KDM5B: variants seen among roughly 807,000 people sequenced by gnomAD.
KDM5B encodes the protein lysine-specific demethylase 5B.
A neutral mutation model predicts 193.4 loss-of-function variants in KDM5B; 144 were observed. The observed-to-expected ratio is 0.74, with a 90% CI of 0.65 to 0.86. KDM5B has a LOEUF of 0.86. Ranked by LOEUF, KDM5B falls within the 40% of genes least tolerant of loss-of-function variation. The pLI is 0.00. For synonymous variants in KDM5B, 668 were observed against 682.6 expected (o/e 0.98, Z 0.33); for missense variants, 1,833 against 1,886.9 (o/e 0.97, Z 0.53).
At chr1:202,747,569 T>TAAAAAAAAAAAAAAAA (rs71564198) in intron 14 of KDM5B, among the ~76,000 whole-genome samples, 1 of 129,094 alleles carries the variant, frequency 7.7e-6, no homozygotes, top group Non-Finnish European at 1.7e-5. Context: ...CACATATTTT[T>TAAAAAAAAAAAAAAAA]AAAAAAAAAA....
chr1:202,761,823 T>G (rs1170773581), intron 7 of KDM5B, among the ~76,000 whole-genome samples: 1 of 152,170 alleles, frequency 6.6e-6, no homozygotes, highest in African/African-American at 2.4e-5. Context: ...CTGCGGCACA[T>G]CCTTATGGCA....
intron 2 of KDM5B, among the ~76,000 whole-genome samples, 170 bp from the exon 3 acceptor site, chr1:202,774,905 T>G (rs1022658812): frequency 4.6e-5 from 7 of 152,134 alleles, no homozygotes; most frequent in African/African-American, 1.7e-4. Flanking sequence ...CTAAATTCAG[T>G]GAGAAACGGC....
intron 4 of KDM5B, among the ~76,000 whole-genome samples, chr1:202,771,475 G>C (rs533055202): frequency 6.6e-6 from 1 of 151,054 alleles, no homozygotes; most frequent in Non-Finnish European, 1.5e-5. Context: ...TCCTGACCTC[G>C]AACTCCTGAC....
chr1:202,800,128 C>T (rs535525038), intron 1 of KDM5B, among the ~76,000 whole-genome samples: 1 of 151,446 alleles, frequency 6.6e-6, no homozygotes, highest in Admixed American at 6.6e-5. Context: ...ACTGCAATCT[C>T]CACCTCCCAG....
intron 1 of KDM5B, among the ~76,000 whole-genome samples, chr1:202,797,691 C>A (rs1217296454): frequency 2.0e-5 from 3 of 152,130 alleles, no homozygotes; most frequent in African/African-American, 4.8e-5. Flanking sequence ...GTACAATATC[C>A]TTCTATTTGC....
At chr1:202,792,761 T>A (rs12122005) in intron 1 of KDM5B, among the ~76,000 whole-genome samples, 1 of 151,852 alleles carries the variant, frequency 6.6e-6, no homozygotes, top group African/African-American at 2.4e-5. Flanking sequence ...TTTGGGAGGC[T>A]GAGGTGGGTG....
At chr1:202,778,094 G>A (rs1363492748) in intron 1 of KDM5B, among the ~76,000 whole-genome samples, 2 of 151,698 alleles carry the variant, frequency 1.3e-5, no homozygotes, top group African/African-American at 4.8e-5. Context: ...AGAATCGCTG[G>A]AACACAAGAG....
intron 1 of KDM5B, among the ~76,000 whole-genome samples, chr1:202,785,589 A>ATTTAC (rs113955220): frequency 0.76 from 114,799 of 151,576 alleles, 45,225 homozygotes; most frequent in Admixed American, 0.86. Context: ...CTCAGACAAC[A>ATTTAC]TTTACTTTAT....
chr1:202,775,065 C>T (rs113930316), intron 2 of KDM5B, among the ~76,000 whole-genome samples: 1 of 21,246 alleles, frequency 4.7e-5, no homozygotes, highest in African/African-American at 6.3e-5. Context: ...CATGATGAAA[C>T]CCCCCATCTC....
intron 18 of KDM5B, among the ~76,000 whole-genome samples, chr1:202,741,975 A>G (rs1655363105): frequency 6.6e-6 from 1 of 150,770 alleles, no homozygotes; most frequent in Non-Finnish European, 1.5e-5. Context: ...TCTTGGGTTC[A>G]AGCGATTCTC....
chr1:202,808,060 C>G (rs749742321), intron 1 of KDM5B, 42 bp downstream of exon 1: 5 of 1,593,080 alleles, frequency 3.1e-6, no homozygotes, highest in African/African-American at 1.4e-5. Context: ...CCCGCTCCCT[C>G]CCCCAGCCAC....
rs6672257 is a variant in KDM5B at position 202,725,099 on chromosome 1, G to C, written c.*3937C>G. The C allele has an allele frequency of 0.75, 114,294 of 152,072 alleles. 44,931 individuals carry two copies. The highest frequency in any genetic ancestry group is 0.86 in the Non-Finnish European group (58,345 of 68,022). 9.4% of individuals were successfully genotyped at this position (152,072 alleles called of 1,614,324 possible). ...TTATCCTGAAAATAAGAAACACACC[G>C]AAACTCACCACTTTCTAGCCCTTCA... On this transcript the variant is annotated 3_prime_UTR_variant, in exon 27 of 27. Transcript: ENST00000367265.
chr1:202,734,760 C>G (rs1307027407), intron 22 of KDM5B, among the ~76,000 whole-genome samples: 1 of 152,144 alleles, frequency 6.6e-6, no homozygotes, highest in Non-Finnish European at 1.5e-5. Context: ...TCAAGGCAAC[C>G]CATGTCTATC....
chr1:202,789,199 A>C (rs1316706581), intron 1 of KDM5B, among the ~76,000 whole-genome samples: 1 of 152,176 alleles, frequency 6.6e-6, no homozygotes, highest in Non-Finnish European at 1.5e-5. Context: ...TATCCCATCT[A>C]AAGATGACAC....
rs35243011 is a variant in KDM5B at position 202,753,675 on chromosome 1, GT to G, written c.1539-609del. On this transcript the variant is annotated intron_variant, in intron 11 of 26. Coordinates refer to ENST00000367265, the MANE Select transcript of KDM5B (RefSeq NM_006618.5). ...CTTTTGTTGTTGTTGTTTTTTTTTT[GT>G]TTTTTTTTTTTGAGACTGAGTCTTG... 1.1e-4 allele frequency among the ~76,000 whole-genome samples: 10 copies of G among 87,358 alleles called. No homozygotes were observed. The East Asian group carries it at 1.4e-3, about 12-fold the overall frequency. 57.3% of individuals were successfully genotyped at this position (87,358 alleles called of 152,430 possible).
rs772369345 is a variant in KDM5B, at chr1:202,752,983, G to C, written c.1623C>G (p.Leu541=). The C allele has an allele frequency of 1.2e-6, 2 of 1,614,108 alleles. No homozygotes were observed. The highest frequency in any genetic ancestry group is 1.7e-6 in the Non-Finnish European group (2 of 1,179,976). The change falls in exon 12 of 27, where the codon CTC becomes CTG. Residue 541 remains leucine, a synonymous_variant. Coordinates refer to ENST00000367265, the MANE Select transcript of KDM5B (RefSeq NM_006618.5). ...ENVMKKLAPE[L]FVSQPDLLHQ... ...GGAGGAGATCCGGCTGGGACACAAA[G>C]AGTTCTGGAGCTAGTTTCTTCATTA...
At chr1:202,736,676 C>T (rs572134223) in intron 20 of KDM5B, among the ~76,000 whole-genome samples, 2 of 151,638 alleles carry the variant, frequency 1.3e-5, no homozygotes, top group South Asian at 4.2e-4. Flanking sequence ...CGGAGTATCA[C>T]TCTTGCCTGG....
chr1:202,800,332 G>C (rs1269092930), intron 1 of KDM5B, among the ~76,000 whole-genome samples: 1 of 149,216 alleles, frequency 6.7e-6, no homozygotes, highest in African/African-American at 2.5e-5. Flanking sequence ...GTGAGCCACC[G>C]CACCCAGCCA....
At chr1:202,772,645 G>A (rs555308706) in intron 4 of KDM5B, among the ~76,000 whole-genome samples, 2 of 151,720 alleles carry the variant, frequency 1.3e-5, no homozygotes, top group Non-Finnish European at 2.9e-5. Context: ...AAGTATAGCT[G>A]CTCTCAAAGC....
Sources: allele counts gnomAD v4.1 joint callset (sites outside exome capture counted in the v4.1 genomes callset), GRCh38; gene constraint gnomAD v4.1.1; transcripts MANE v1.5; gene names NCBI Gene and HGNC (gene_info 2026-07-23, HGNC 2026-07-21).